The following FAM110B variants were observed in gnomAD, a reference collection of about 807,000 sequenced individuals.
The protein encoded by FAM110B is protein FAM110B.
In FAM110B, 6 loss-of-function variants were observed where a neutral mutation model predicts 20.4. The ratio of observed to expected loss-of-function variants is 0.29; its 90% CI spans 0.16 to 0.58. The LOEUF (loss-of-function observed/expected upper bound fraction) is 0.58. FAM110B is among the 20% of genes least tolerant of loss of function. FAM110B has a pLI of 0.90. For missense variants in FAM110B, 434 were observed against 498.2 expected (o/e 0.87, Z 1.23); for synonymous variants, 226 against 214.1 (o/e 1.06, Z -0.49).
Position 58,012,184 on chromosome 8 carries a change from C to A in FAM110B, c.-512+17378C>A, listed in dbSNP as rs188610291. Among the ~76,000 whole-genome samples the A allele has an allele frequency of 2.6e-5, 4 of 152,204 alleles. No individual in the cohort carries two copies. In the East Asian group the frequency reaches 7.7e-4, roughly 29 times the overall value. ...GTTGGTAGGAAATTCTGACTAGTTT[C>A]TTCTCTAGCTTGACCTCTGTATTAT... On this transcript the variant is annotated intron_variant, in intron 1 of 3. Transcript: ENST00000519262.
chr8:57,997,699 C>T (rs908796802), intron 1 of FAM110B, among the ~76,000 whole-genome samples: 1 of 152,174 alleles, frequency 6.6e-6, no homozygotes, highest in African/African-American at 2.4e-5. Context: ...AGTCATGACT[C>T]ATCCAAGAAA....
At chr8:58,123,314 G>A (rs552840135) in intron 3 of FAM110B, among the ~76,000 whole-genome samples, 2 of 152,072 alleles carry the variant, frequency 1.3e-5, no homozygotes, top group African/African-American at 2.4e-5. Context: ...CTGCTCTTTG[G>A]GGGGTGGTGC....
chr8:58,071,419 C>A (rs1585860622), intron 2 of FAM110B, among the ~76,000 whole-genome samples: 1 of 152,202 alleles, frequency 6.6e-6, no homozygotes, highest in Non-Finnish European at 1.5e-5. Flanking sequence ...AGCCACCACG[C>A]GTCTGCTGTC....
chr8:58,005,176 A>T (rs1804374425), intron 1 of FAM110B, among the ~76,000 whole-genome samples: 1 of 152,176 alleles, frequency 6.6e-6, no homozygotes, highest in African/African-American at 2.4e-5. Context: ...TTGTAGGGTT[A>T]TTAATTGGCC....
At chr8:58,062,597 A>C (rs1204250576) in intron 2 of FAM110B, among the ~76,000 whole-genome samples, 1 of 152,194 alleles carries the variant, frequency 6.6e-6, no homozygotes, top group Non-Finnish European at 1.5e-5. Context: ...TGTGGAAGTA[A>C]AAATATAGCC....
rs533482422 is a variant in FAM110B, at chr8:58,132,313, G to A, written c.-324-13594G>A. 7.9e-5 allele frequency among the ~76,000 whole-genome samples: 12 copies of A among 152,196 alleles called. No individual in the cohort carries two copies. The South Asian group carries it at 1.4e-3, about 18-fold the overall frequency. ...TGTAGTAGGTACACACTCTTCCACC[G>A]TAGCAGGAAGGAGTTTTGCTGTGAA... On this transcript the variant is annotated intron_variant, in intron 3 of 3. Coordinates refer to ENST00000519262, the MANE Select transcript of FAM110B (RefSeq NM_001377989.1).
At chr8:58,115,538 C>T (rs1458784007) in intron 3 of FAM110B, among the ~76,000 whole-genome samples, 1 of 152,116 alleles carries the variant, frequency 6.6e-6, no homozygotes, top group Non-Finnish European at 1.5e-5. Flanking sequence ...GGACTTCAGG[C>T]ACATGCCACC....
At chr8:58,021,969 C>T (rs1210525146) in intron 1 of FAM110B, among the ~76,000 whole-genome samples, 1 of 152,144 alleles carries the variant, frequency 6.6e-6, no homozygotes, top group African/African-American at 2.4e-5. Context: ...TAGCATTCCA[C>T]TTGCTGGGGA....
chr8:58,063,511 T>C (rs899446587), intron 2 of FAM110B, among the ~76,000 whole-genome samples: 2 of 152,182 alleles, frequency 1.3e-5, no homozygotes, highest in Non-Finnish European at 2.9e-5. Context: ...AATTTCAGAT[T>C]TTTTCAGATT....
At chr8:58,040,397 C>T (rs540760229) in intron 2 of FAM110B, among the ~76,000 whole-genome samples, 1 of 152,308 alleles carries the variant, frequency 6.6e-6, no homozygotes, top group Admixed American at 6.5e-5. Context: ...GTGCCATATG[C>T]GCATGGCGGC....
chr8:58,118,073 C>T (rs553025777), intron 3 of FAM110B, among the ~76,000 whole-genome samples: 3 of 152,160 alleles, frequency 2.0e-5, no homozygotes, highest in African/African-American at 7.2e-5. Flanking sequence ...TCACAAATGT[C>T]ATTAGCTTTA....
chr8:58,119,771 A>G (rs572718783), intron 3 of FAM110B, among the ~76,000 whole-genome samples: 1 of 152,254 alleles, frequency 6.6e-6, no homozygotes, highest in East Asian at 1.9e-4. Context: ...AGAGTATATG[A>G]CCACTCTGCT....
chr8:58,041,961 C>T (rs960804529), intron 2 of FAM110B, among the ~76,000 whole-genome samples: 3 of 152,184 alleles, frequency 2.0e-5, no homozygotes, highest in Admixed American at 6.5e-5. Flanking sequence ...GCAGGGTTCT[C>T]GCTTCAGTTC....
intron 3 of FAM110B, among the ~76,000 whole-genome samples, chr8:58,103,003 A>G (rs1047991436): frequency 3.7e-4 from 8 of 21,640 alleles, no homozygotes; most frequent in East Asian, 2.7e-3. Context: ...GCTTGTTATG[A>G]AAAAAAAAAA....
At chr8:58,084,049 T>A (rs1806269032) in intron 3 of FAM110B, among the ~76,000 whole-genome samples, 1 of 152,210 alleles carries the variant, frequency 6.6e-6, no homozygotes, top group Non-Finnish European at 1.5e-5. Flanking sequence ...TTTGAATCTT[T>A]GGTTCAAACT....
intron 3 of FAM110B, among the ~76,000 whole-genome samples, chr8:58,127,370 GC>G: frequency 6.6e-6 from 1 of 152,128 alleles, no homozygotes; most frequent in Non-Finnish European, 1.5e-5. Flanking sequence ...AACTGTTTTA[GC>G]TATTATACTC....
chr8:58,104,806 T>G (rs1454527021), intron 3 of FAM110B, among the ~76,000 whole-genome samples: 1 of 152,194 alleles, frequency 6.6e-6, no homozygotes, highest in Admixed American at 6.5e-5. Flanking sequence ...AGCGATTTCT[T>G]AAAGGATAGA....
chr8:58,028,384 G>C (rs1338681987), intron 1 of FAM110B, among the ~76,000 whole-genome samples: 1 of 152,228 alleles, frequency 6.6e-6, no homozygotes, highest in Non-Finnish European at 1.5e-5. Flanking sequence ...TGGATTACAG[G>C]CGTGAGCCAC....
chr8:58,037,331 T>TTTGTTTGTTTG (rs1563347270), intron 2 of FAM110B, among the ~76,000 whole-genome samples: 1 of 146,358 alleles, frequency 6.8e-6, no homozygotes, highest in African/African-American at 2.6e-5. Flanking sequence ...TTGTTTGTTT[T>TTTGTTTGTTTG]TTTAATTAAA....
Sources: allele counts gnomAD v4.1 joint callset (sites outside exome capture counted in the v4.1 genomes callset), GRCh38; gene constraint gnomAD v4.1.1; transcripts MANE v1.5; gene names NCBI Gene and HGNC (gene_info 2026-07-23, HGNC 2026-07-21).